Variants in UBQLN1 observed in about 807,000 individuals in gnomAD.
UBQLN1 encodes ubiquilin 1, also known as ubiquilin-1.
UBQLN1 carries 13 observed loss-of-function variants against 65.4 expected under a neutral mutation model. The ratio of observed to expected loss-of-function variants is 0.20; its 90% CI spans 0.13 to 0.32. The LOEUF is 0.32. UBQLN1 is among the 10% of genes least tolerant of loss of function. The pLI is 1.00. For missense variants in UBQLN1, 561 were observed against 724.0 expected (o/e 0.77, Z 2.58); for synonymous variants, 267 against 247.8 (o/e 1.08, Z -0.73).
Position 83,707,538 on chromosome 9 carries a change from C to A in UBQLN1, c.142G>T (p.Glu48Ter). The A allele has an allele frequency of 6.2e-7, 1 of 1,611,836 alleles. No individual in the cohort carries two copies. Residue 48 changes from glutamate (E) to a stop codon, truncating the protein, a stop_gained, in exon 1 of 11, where the codon GAG (glutamate) becomes TAG (stop). Transcript: ENST00000376395. LOFTEE classifies it high-confidence loss of function. ...KVTVKTPKEK[E>*]EFAVPENSSV... ...CTATTCTCGGGCACGGCGAATTCCT[C>A]CTTTTCCTTCGGGGTCTTCACGGTG...
At chr9:83,707,460 C>A (rs769871912) in intron 1 of UBQLN1, 40 bp downstream of exon 1, 1 of 1,572,244 alleles carries the variant, frequency 6.4e-7, no homozygotes, top group Non-Finnish European at 8.6e-7. Context: ...GGAGGTCCTG[C>A]CGCCACCCCC....
chr9:83,683,433 A>AAC (rs1333675203), intron 2 of UBQLN1, among the ~76,000 whole-genome samples: 3 of 151,474 alleles, frequency 2.0e-5, no homozygotes, highest in East Asian at 3.9e-4. Context: ...AAAAAAAAAA[A>AAC]AAAGAACCAC....
intron 10 of UBQLN1, among the ~76,000 whole-genome samples, chr9:83,662,378 T>C (rs936020073): frequency 2.6e-5 from 4 of 152,020 alleles, no homozygotes; most frequent in African/African-American, 4.8e-5. Flanking sequence ...AAAGCTGGTA[T>C]CCTCATGTAT....
chr9:83,694,526 A>C (rs1360460124), intron 1 of UBQLN1, among the ~76,000 whole-genome samples: 3 of 152,204 alleles, frequency 2.0e-5, no homozygotes, highest in African/African-American at 7.2e-5. Context: ...ACTACACTGA[A>C]TATGTAACAC....
chr9:83,697,532 A>C (rs1435163436), intron 1 of UBQLN1, among the ~76,000 whole-genome samples: 3 of 134,354 alleles, frequency 2.2e-5, no homozygotes, highest in Non-Finnish European at 4.7e-5. Flanking sequence ...AGCCGGGGCA[A>C]CAGTGCAAGA....
intron 2 of UBQLN1, among the ~76,000 whole-genome samples, chr9:83,685,540 C>G (rs951914506): frequency 6.6e-6 from 1 of 151,332 alleles, no homozygotes. Flanking sequence ...CACTGTGGCA[C>G]GCACCTACAG....
chr9:83,694,528 A>C (rs1421932822), intron 1 of UBQLN1, among the ~76,000 whole-genome samples: 1 of 152,214 alleles, frequency 6.6e-6, no homozygotes, highest in Non-Finnish European at 1.5e-5. Context: ...TACACTGAAT[A>C]TGTAACACGT....
intron 5 of UBQLN1, among the ~76,000 whole-genome samples, 190 bp downstream of exon 5, chr9:83,678,251 G>A (rs952791743): frequency 9.2e-5 from 14 of 152,228 alleles, no homozygotes; most frequent in African/African-American, 3.4e-4. Flanking sequence ...TTGATCTCCT[G>A]ACCTCGGGAT....
At chr9:83,668,473 T>G (rs1468604912) in intron 7 of UBQLN1, 5 of 985,244 alleles carry the variant, frequency 5.1e-6, no homozygotes, top group Non-Finnish European at 6.0e-6. Flanking sequence ...GGAACCTAGA[T>G]AGTACCTAGG....
At chr9:83,683,174 AGGCCGAAGCT>A in intron 2 of UBQLN1, 108 bp from the exon 3 acceptor site, 1 of 637,038 alleles carries the variant, frequency 1.6e-6, no homozygotes, top group Non-Finnish European at 2.7e-6. Flanking sequence ...GCACTTTGGG[AGGCCGAAGCT>A]GGCTGATCAC....
chr9:83,685,022 C>T (rs1159080107), intron 2 of UBQLN1, among the ~76,000 whole-genome samples: 1 of 152,148 alleles, frequency 6.6e-6, no homozygotes, highest in East Asian at 1.9e-4. Context: ...ATGACTTCAA[C>T]TGAATGCCTG....
intron 3 of UBQLN1, among the ~76,000 whole-genome samples, chr9:83,682,025 T>A (rs1166897820): frequency 6.6e-6 from 1 of 152,180 alleles, no homozygotes; most frequent in East Asian, 1.9e-4. Context: ...TTTGGCTATC[T>A]ATTATCAAAA....
Position 83,665,077 on chromosome 9 carries a change from C to T in UBQLN1, c.1401G>A (p.Gln467=). ...PRAMQALLQI[Q]QGLQTLATEA... is the part of the protein sequence containing the mutation. The stretch of plus-strand genomic sequence containing the variant: ...CCGTTGCTAATGTCTGTAAACCCTG[C>T]TGAATCTGTAACAAGGCCTGCATTG... Residue 467 remains glutamine, a synonymous_variant, in exon 9 of 11, where the codon CAG becomes CAA. Transcript: ENST00000376395. The T allele has an allele frequency of 6.2e-7, 1 of 1,613,934 alleles. No homozygotes were observed. Among genetic ancestry groups the T allele is most frequent in the Non-Finnish European group, 8.5e-7 (1 of 1,179,962 alleles).
At chr9:83,694,277 G>C (rs1055120092) in intron 1 of UBQLN1, among the ~76,000 whole-genome samples, 6 of 152,128 alleles carry the variant, frequency 3.9e-5, no homozygotes, top group African/African-American at 1.4e-4. Flanking sequence ...ATAGTTATCT[G>C]AATACTGTAT....
chr9:83,690,386 C>T (rs1481768100), intron 1 of UBQLN1, among the ~76,000 whole-genome samples: 3 of 151,914 alleles, frequency 2.0e-5, no homozygotes, highest in African/African-American at 7.3e-5. Context: ...GGGTTGGGGA[C>T]AAAATCCATG....
intron 2 of UBQLN1, among the ~76,000 whole-genome samples, chr9:83,683,344 G>A (rs10868039): frequency 0.35 from 52,276 of 149,956 alleles, 9,501 homozygotes; most frequent in Middle Eastern, 0.5. Flanking sequence ...CCCAGGAGGC[G>A]GAGCTTGCAG....
At chr9:83,676,025 A>C (rs1831826390) in intron 6 of UBQLN1, among the ~76,000 whole-genome samples, 1 of 152,146 alleles carries the variant, frequency 6.6e-6, no homozygotes, top group Non-Finnish European at 1.5e-5. Context: ...GTAATACCTG[A>C]AGTATTATCT....
intron 4 of UBQLN1, 114 bp downstream of exon 4, chr9:83,679,661 G>T: frequency 1.7e-6 from 2 of 1,161,676 alleles, no homozygotes; most frequent in East Asian, 2.5e-5. Context: ...ACCAAGATAA[G>T]GATTTCTCTC....
chr9:83,665,661 A>C (rs1269319622), intron 8 of UBQLN1, among the ~76,000 whole-genome samples: 2 of 152,212 alleles, frequency 1.3e-5, no homozygotes, highest in African/African-American at 4.8e-5. Flanking sequence ...CTAACCAAAG[A>C]TAGGCTTACA....
Sources: allele counts gnomAD v4.1 joint callset (sites outside exome capture counted in the v4.1 genomes callset), GRCh38; gene constraint gnomAD v4.1.1; transcripts MANE v1.5; gene names NCBI Gene and HGNC (gene_info 2026-07-23, HGNC 2026-07-21).